SWAP70: variants seen among roughly 807,000 people sequenced by gnomAD.
The protein encoded by SWAP70 is switch-associated protein 70.
A neutral mutation model predicts 80.2 loss-of-function variants in SWAP70; 34 were observed. The ratio of observed to expected loss-of-function variants is 0.42; its 90% CI spans 0.32 to 0.56. The LOEUF is 0.56. Among genes scored for constraint, SWAP70 ranks in the 20% least tolerant of loss-of-function variants. The pLI, the probability that SWAP70 is intolerant of heterozygous loss-of-function variation, is 0.09. For missense variants in SWAP70, 578 were observed against 690.7 expected (o/e 0.84, Z 1.83); for synonymous variants, 239 against 238.5 (o/e 1.00, Z -0.02).
At chr11:9,746,509 C>T (rs780620599) in intron 9 of SWAP70, among the ~76,000 whole-genome samples, 3 of 152,212 alleles carry the variant, frequency 2.0e-5, no homozygotes, top group East Asian at 1.9e-4. Context: ...TCTGTAGTGT[C>T]GTGTTCTGTT....
At chr11:9,725,970 G>C (rs866072293) in intron 4 of SWAP70, among the ~76,000 whole-genome samples, 3 of 150,618 alleles carry the variant, frequency 2.0e-5, no homozygotes, top group Non-Finnish European at 4.4e-5. Context: ...CTGAACAGGA[G>C]ATATCTTGTA....
At chr11:9,749,027 G>C (rs1451653213) in intron 10 of SWAP70, 60 bp from the exon 11 acceptor site, 18 of 1,052,658 alleles carry the variant, frequency 1.7e-5, no homozygotes, top group Non-Finnish European at 2.3e-5. Context: ...CCCAATAGTT[G>C]TGATTTGGTT....
chr11:9,673,731 A>G (rs750730138), intron 1 of SWAP70, among the ~76,000 whole-genome samples: 65 of 152,182 alleles, frequency 4.3e-4, no homozygotes, highest in Non-Finnish European at 8.8e-5. Context: ...GGAAGGTCAG[A>G]GAATTTCTTT....
At chr11:9,722,256 G>A (rs532583972) in intron 3 of SWAP70, among the ~76,000 whole-genome samples, 2 of 152,134 alleles carry the variant, frequency 1.3e-5, no homozygotes, top group East Asian at 3.8e-4. Context: ...GTTAATTTCA[G>A]TTTAGCAAAC....
intron 3 of SWAP70, among the ~76,000 whole-genome samples, chr11:9,719,124 G>T (rs1189032362): frequency 7.0e-6 from 1 of 143,420 alleles, no homozygotes; most frequent in African/African-American, 2.7e-5. Context: ...ATAATTGTCA[G>T]CTGGGTGCAG....
intron 3 of SWAP70, among the ~76,000 whole-genome samples, chr11:9,716,851 T>C (rs904696119): frequency 4.6e-5 from 7 of 152,230 alleles, no homozygotes; most frequent in African/African-American, 1.7e-4. Flanking sequence ...GTTGGAGACA[T>C]GAGTGCCAAG....
At chr11:9,736,371 G>A (rs949784996) in intron 7 of SWAP70, among the ~76,000 whole-genome samples, 4 of 149,512 alleles carry the variant, frequency 2.7e-5, no homozygotes, top group Admixed American at 1.3e-4. Context: ...GGCAGTTTCC[G>A]TTGCCTGCTT....
In SWAP70 at chr11:9,682,144, C is replaced by T. The variant is rs193198822; in HGVS notation, c.100-12002C>T. Among the ~76,000 whole-genome samples, 24 of 152,188 alleles carry T rather than the reference C, an allele frequency of 1.6e-4. No individual in the cohort carries two copies. In the Middle Eastern group the frequency reaches 0.01, roughly 65 times the overall value. ...GTTCTGCAGCAACTCTTTGACAGGA[C>T]CTGAGAGGGGAGAATGGGACCTTGT... On this transcript the variant is annotated intron_variant, in intron 1 of 11. Transcript: ENST00000318950.
At chr11:9,678,481 T>G (rs1449766398) in intron 1 of SWAP70, among the ~76,000 whole-genome samples, 3 of 105,956 alleles carry the variant, frequency 2.8e-5, no homozygotes, top group Non-Finnish European at 7.0e-5. Flanking sequence ...ATTTTTATGT[T>G]TTTTTTTTTT....
At chr11:9,733,315 T>C (rs1466658279) in intron 7 of SWAP70, among the ~76,000 whole-genome samples, 1 of 152,190 alleles carries the variant, frequency 6.6e-6, no homozygotes, top group African/African-American at 2.4e-5. Context: ...TTTGAGACAC[T>C]TTTGGGCTGA....
chr11:9,680,129 C>A (rs1411747459), intron 1 of SWAP70, among the ~76,000 whole-genome samples: 1 of 152,062 alleles, frequency 6.6e-6, no homozygotes, highest in African/African-American at 2.4e-5. Flanking sequence ...TTTTGTTAGG[C>A]ACCCTGGGAA....
intron 1 of SWAP70, among the ~76,000 whole-genome samples, chr11:9,671,452 A>G (rs1209706902): frequency 1.2e-5 from 1 of 86,128 alleles, no homozygotes; most frequent in South Asian, 3.8e-4. Flanking sequence ...AAATATATTT[A>G]TAAATATATA....
intron 6 of SWAP70, 115 bp downstream of exon 6, chr11:9,729,566 T>C: frequency 1.3e-6 from 1 of 750,274 alleles, no homozygotes; most frequent in Non-Finnish European, 2.2e-6. Flanking sequence ...TGGTGCTATC[T>C]TGGCTTACTG....
intron 1 of SWAP70, among the ~76,000 whole-genome samples, chr11:9,693,207 G>A (rs1371091403): frequency 6.6e-6 from 1 of 152,184 alleles, no homozygotes; most frequent in Non-Finnish European, 1.5e-5. Context: ...CTCTGTTGAA[G>A]AAAATACAGC....
rs759496998 is a variant in SWAP70, at chr11:9,749,963, C to T, written c.1751C>T (p.Thr584Met). 2 of 1,611,204 alleles carry T rather than the reference C, an allele frequency of 1.2e-6. No homozygotes were observed. The highest frequency in any genetic ancestry group is 1.7e-5 in the Admixed American group (1 of 59,988). ...AAGAACTGGAAAGAGAAAAAGACCACGGAGTGACTGAGCTTGCTGGCAGTC... is the reference window on the plus strand; with the variant it reads ...AAGAACTGGAAAGAGAAAAAGACCATGGAGTGACTGAGCTTGCTGGCAGTC... ...REKNWKEKKT[T>M]E Residue 584 changes from threonine to methionine, a missense_variant, in exon 12 of 12, where the codon ACG (threonine) becomes ATG (methionine). By Grantham distance (81) the Thr-to-Met change is moderately conservative. Transcript: ENST00000318950.
chr11:9,742,010 G>A (rs1042995481), intron 9 of SWAP70: 1 of 148,340 alleles, frequency 6.7e-6, no homozygotes, highest in African/African-American at 2.5e-5. Context: ...GGAGGTTGAG[G>A]CTGCAGTGAG....
rs544769819 is a variant in SWAP70, at chr11:9,732,538, C to T, written c.908C>T (p.Ser303Phe). Residue 303 changes from serine to phenylalanine, a missense_variant, in exon 7 of 12, where the codon TCT (serine) becomes TTT (phenylalanine). By Grantham distance (155) the Ser-to-Phe change is radical (BLOSUM62 -2). Coordinates refer to ENST00000318950, the MANE Select transcript of SWAP70 (RefSeq NM_015055.4). ...KKQEWIQAIH[S>F]TIHLLKLGSP... The stretch of plus-strand genomic sequence containing the variant: ...CCTACACCTTTTACAGCCATTCATT[C>T]TACTATTCATCTGTTGAAGCTGGGC... 3 of 1,604,932 alleles carry T rather than the reference C, an allele frequency of 1.9e-6. No individual in the cohort carries two copies. In the African/African-American group the frequency reaches 4.0e-5, roughly 22 times the overall value.
At chr11:9,669,606 T>C (rs1047590979) in intron 1 of SWAP70, among the ~76,000 whole-genome samples, 30 of 152,186 alleles carry the variant, frequency 2.0e-4, no homozygotes, top group African/African-American at 6.8e-4. Flanking sequence ...GAGATGGGAA[T>C]GAATCAGGTA....
chr11:9,726,184 C>A (rs911370895), intron 4 of SWAP70, among the ~76,000 whole-genome samples: 4 of 151,838 alleles, frequency 2.6e-5, no homozygotes, highest in African/African-American at 4.8e-5. Flanking sequence ...AAAAAAAATA[C>A]CTTTATGTAG....
Sources: gnomAD v4.1 joint callset for allele counts (sites outside exome capture counted in the v4.1 genomes callset) on GRCh38, gnomAD v4.1.1 for gene constraint, MANE v1.5 for transcripts, NCBI Gene and HGNC (gene_info 2026-07-23, HGNC 2026-07-21) for gene names.